Variants in COL4A6 observed in about 807,000 individuals in gnomAD.
COL4A6 encodes the protein collagen alpha-6(IV) chain.
Under a neutral mutation model 126.7 loss-of-function variants are expected in COL4A6, and 59 were observed. The observed-to-expected ratio is 0.47, with a 90% CI of 0.38 to 0.58. COL4A6 has a LOEUF of 0.58. COL4A6 is among the 20% of genes least tolerant of loss of function. The pLI is 0.00. For missense variants in COL4A6, 1,285 were observed against 1,337.3 expected, an observed-to-expected ratio of 0.96 and a Z score of 0.61; for synonymous variants, 547 against 496.6, an observed-to-expected ratio of 1.10 and a Z score of -1.35.
At chrX:108,422,207 T>G (rs1429493160) in intron 2 of COL4A6, among the ~76,000 whole-genome samples, 4 of 109,324 alleles carry the variant, frequency 3.7e-5, no homozygotes, top group African/African-American at 1.3e-4. Flanking sequence ...TACAAAAAAT[T>G]TTTAAAAAAT....
intron 2 of COL4A6, among the ~76,000 whole-genome samples, chrX:108,400,240 GC>G (rs910007239): frequency 1.8e-5 from 2 of 110,921 alleles, no homozygotes; most frequent in African/African-American, 6.5e-5. Flanking sequence ...ATTTAATTCC[GC>G]TTTCTCCCTC....
At chrX:108,334,257 C>T (rs1358377760) in intron 2 of COL4A6, among the ~76,000 whole-genome samples, 2 of 111,208 alleles carry the variant, frequency 1.8e-5, no homozygotes, top group Admixed American at 9.6e-5. Flanking sequence ...CTAGCCAAGT[C>T]GACACATAAA....
intron 2 of COL4A6, among the ~76,000 whole-genome samples, chrX:108,394,174 A>G (rs75365626): frequency 9.0e-6 from 1 of 111,503 alleles, no homozygotes. Flanking sequence ...CTAACACAAG[A>G]ACAGAAAACC....
At chrX:108,188,259 G>A (rs1312907244) in intron 21 of COL4A6, among the ~76,000 whole-genome samples, 1 of 112,013 alleles carries the variant, frequency 8.9e-6, no homozygotes, top group African/African-American at 3.3e-5. Context: ...ATCTTCATGG[G>A]CCAGCACATT....
intron 2 of COL4A6, among the ~76,000 whole-genome samples, chrX:108,406,438 A>T (rs941287927): frequency 4.5e-5 from 5 of 112,281 alleles, no homozygotes; most frequent in African/African-American, 1.6e-4. Context: ...ACTATCACTT[A>T]CATGATACAT....
At chrX:108,296,356 T>G (rs1027298973) in intron 3 of COL4A6, among the ~76,000 whole-genome samples, 25 of 111,977 alleles carry the variant, frequency 2.2e-4, no homozygotes, top group African/African-American at 8.1e-4. Flanking sequence ...TTGCTACTCC[T>G]TCCCTTTCGT....
At chrX:108,435,875 A>C (rs1026911750) in intron 2 of COL4A6, among the ~76,000 whole-genome samples, 11 of 111,917 alleles carry the variant, frequency 9.8e-5, no homozygotes, top group African/African-American at 3.6e-4. Context: ...TATTTTCGTT[A>C]ATATTAGTCA....
At chrX:108,423,050 T>C (rs2064009944) in intron 2 of COL4A6, among the ~76,000 whole-genome samples, 1 of 112,387 alleles carries the variant, frequency 8.9e-6, no homozygotes. Context: ...TGCCTTTAGT[T>C]TGCGATTTCT....
chrX:108,401,738 AC>A (rs1028617363), intron 2 of COL4A6, among the ~76,000 whole-genome samples: 11 of 111,199 alleles, frequency 9.9e-5, no homozygotes, highest in African/African-American at 3.6e-4. Flanking sequence ...ACAGGGAGTA[AC>A]CAAACTGAAA....
chrX:108,425,213 GAGAC>G (rs1398819216), intron 2 of COL4A6, among the ~76,000 whole-genome samples: 2 of 106,589 alleles, frequency 1.9e-5, no homozygotes, highest in African/African-American at 6.9e-5. Flanking sequence ...GAGAGAGAGA[GAGAC>G]AGAGAGACAG....
intron 3 of COL4A6, among the ~76,000 whole-genome samples, chrX:108,273,899 A>G (rs908672050): frequency 8.9e-6 from 1 of 112,489 alleles, no homozygotes. Context: ...AAGTGGGAAC[A>G]CATAGGTTAG....
At chrX:108,385,834 AT>A (rs2040675646) in intron 2 of COL4A6, among the ~76,000 whole-genome samples, 1 of 110,120 alleles carries the variant, frequency 9.1e-6, no homozygotes, top group African/African-American at 3.3e-5. Flanking sequence ...CCTCATCTAC[AT>A]TAGGTATTTC....
Position 108,157,014 on chromosome X carries a change from TACACACCTGGCAGCGACTG to T in COL4A6, c.5040_5058del (p.Ser1681Ter). ...CAGGTGCCACCCTACAGGCTTTTCATACACACCTGGCAGCGACTGACTCGAGTGTGGAGCTGCCCAGCTT... is the reference window on the plus strand; with the variant it reads ...CAGGTGCCACCCTACAGGCTTTTCATACTCGAGTGTGGAGCTGCCCAGCTT... On this transcript the variant is annotated frameshift_variant, in exon 45 of 45. Transcript: ENST00000334504. LOFTEE classifies it high-confidence loss of function. The T allele has an allele frequency of 8.3e-7, 1 of 1,210,272 alleles. No homozygotes were observed. The highest frequency in any genetic ancestry group is 1.1e-6 in the Non-Finnish European group (1 of 894,819).
intron 3 of COL4A6, among the ~76,000 whole-genome samples, chrX:108,239,772 T>C (rs1385212283): frequency 8.9e-6 from 1 of 112,167 alleles, no homozygotes; most frequent in African/African-American, 3.2e-5. Flanking sequence ...TGTGCACTCC[T>C]ACTTATTACT....
At position 108,177,690 on chromosome X, in the gene COL4A6, G is replaced by A. The variant is rs190737867; in HGVS notation, c.2516-679C>T. Among the ~76,000 whole-genome samples, 18 of 112,084 alleles carry A rather than the reference G, an allele frequency of 1.6e-4. No homozygotes were observed. In the East Asian group the frequency reaches 5.0e-3, roughly 31 times the overall value. On this transcript the variant is annotated intron_variant, in intron 27 of 44. Coordinates refer to ENST00000334504, the MANE Select transcript of COL4A6 (RefSeq NM_033641.4). Reference sequence around the variant, plus strand: ...AGTGGAATGTTCAGGTACAAAGCAAGGAAATTAAAAAACGAAAGGATTAAA... The same window carrying A: ...AGTGGAATGTTCAGGTACAAAGCAAAGAAATTAAAAAACGAAAGGATTAAA...
At position 108,171,432 on chromosome X, in the gene COL4A6, C is replaced by T. The variant is rs765061986; in HGVS notation, c.3232G>A (p.Gly1078Ser). The T allele has an allele frequency of 7.3e-5, 88 of 1,209,003 alleles. No individual in the cohort carries two copies. The highest frequency in any genetic ancestry group is 2.3e-4 in the Middle Eastern group (1 of 4,366). The part of the protein sequence containing the change: ...GDNGQTVEIS[G>S]SPGPKGQPGE... ...GGCTGTCCCTTGGGTCCTGGGCTAC[C>T]GGAAATTTCAACTGTCTGGCCGTTG... is the stretch of plus-strand genomic sequence containing the variant. Residue 1078 changes from glycine to serine, a missense_variant, in exon 33 of 45, where the codon GGT becomes AGT. Transcript: ENST00000334504.
intron 3 of COL4A6, among the ~76,000 whole-genome samples, chrX:108,229,973 C>A (rs903415145): frequency 8.0e-5 from 9 of 112,375 alleles, no homozygotes; most frequent in African/African-American, 2.6e-4. Flanking sequence ...CATATTGGAA[C>A]TGATGAGCAA....
At chrX:108,304,385 T>C (rs1369158038) in intron 3 of COL4A6, among the ~76,000 whole-genome samples, 7 of 111,505 alleles carry the variant, frequency 6.3e-5, no homozygotes. Flanking sequence ...GAAAGAACCA[T>C]ATGTAAATAT....
chrX:108,247,486 A>T, intron 3 of COL4A6, among the ~76,000 whole-genome samples: 1 of 110,188 alleles, frequency 9.1e-6, no homozygotes, highest in Non-Finnish European at 1.9e-5. Flanking sequence ...CCCTGCCCTC[A>T]GACCATGTCT....
Sources: gnomAD v4.1 joint callset for allele counts (sites outside exome capture counted in the v4.1 genomes callset) on GRCh38, gnomAD v4.1.1 for gene constraint, MANE v1.5 for transcripts, NCBI Gene and HGNC (gene_info 2026-07-23, HGNC 2026-07-21) for gene names.